DDAH1: variants seen among roughly 807,000 people sequenced by gnomAD.
DDAH1 encodes N(G),N(G)-dimethylarginine dimethylaminohydrolase 1.
In DDAH1, 19 loss-of-function variants were observed where a neutral mutation model predicts 28.8. The ratio of observed to expected loss-of-function variants is 0.66; its 90% CI spans 0.46 to 0.97. The LOEUF is 0.97. Among genes scored for constraint, DDAH1 ranks in the 50% least tolerant of loss-of-function variants. DDAH1 has a pLI of 0.00. For missense variants in DDAH1, 326 were observed against 375.9 expected, an observed-to-expected ratio of 0.87 and a Z score of 1.10; for synonymous variants, 153 against 154.4, an observed-to-expected ratio of 0.99 and a Z score of 0.07.
At chr1:85,353,761 A>C (rs968984182) in intron 2 of DDAH1, among the ~76,000 whole-genome samples, 2 of 151,720 alleles carry the variant, frequency 1.3e-5, no homozygotes, top group African/African-American at 4.8e-5. Flanking sequence ...ACTCTGAGGC[A>C]AAAAAAATAC....
intron 1 of DDAH1, among the ~76,000 whole-genome samples, chr1:85,519,001 A>C (rs1440042121): frequency 6.6e-6 from 1 of 152,046 alleles, no homozygotes; most frequent in Non-Finnish European, 1.5e-5. Context: ...GGATATTCAA[A>C]AGTTATAACT....
intron 2 of DDAH1, among the ~76,000 whole-genome samples, chr1:85,487,067 A>G (rs1656230561): frequency 6.6e-6 from 1 of 152,238 alleles, no homozygotes; most frequent in African/African-American, 2.4e-5. Context: ...TTAATTCGCC[A>G]AAGTAGGTTG....
intron 4 of DDAH1, among the ~76,000 whole-genome samples, chr1:85,339,324 C>T (rs1452326565): frequency 6.6e-6 from 1 of 152,108 alleles, no homozygotes; most frequent in Non-Finnish European, 1.5e-5. Flanking sequence ...TAAACTTGGT[C>T]CCACTTCGGG....
intron 1 of DDAH1, among the ~76,000 whole-genome samples, chr1:85,376,390 T>A (rs1245820639): frequency 6.6e-6 from 1 of 152,128 alleles, no homozygotes; most frequent in Non-Finnish European, 1.5e-5. Flanking sequence ...GGAAAACAAA[T>A]AAAGGAAACA....
rs556971926 is a variant in DDAH1, at chr1:85,402,756, A to C, written c.304-43909T>G. 8.5e-5 allele frequency among the ~76,000 whole-genome samples: 13 copies of C among 152,168 alleles called. No individual in the cohort carries two copies. The East Asian group carries it at 2.1e-3, about 25-fold the overall frequency. ...AACCCCGTCTCTACTAAAAATACAA[A>C]AAATTAGCCAGACACGGTGGTGGGC... On this transcript the variant is annotated intron_variant, in intron 1 of 5. Transcript: ENST00000284031.
chr1:85,464,411 A>AAGTTGTG lies in DDAH1; in HGVS notation c.303+331_303+332insCACAACT. On this transcript the variant is annotated intron_variant, in intron 1 of 5. Coordinates refer to ENST00000284031, the MANE Select transcript of DDAH1 (RefSeq NM_012137.4). The surrounding 1 kb of genome is among the most constrained non-coding windows in gnomAD (Gnocchi z 4.4). ...CCCCTCGCGGCCCTCGCTCCCTGGG[A>AAGTTGTG]AACACTCAGAGTTGCACTGTCGTCG... is the stretch of plus-strand genomic sequence containing the variant. 1 of 1,296,750 alleles carries AAGTTGTG rather than the reference A, an allele frequency of 7.7e-7. No homozygotes were observed. Among genetic ancestry groups the AAGTTGTG allele is most frequent in the African/African-American group, 1.5e-5 (1 of 67,436 alleles). 80.3% of individuals were successfully genotyped at this position (1,296,750 alleles called of 1,614,324 possible).
At chr1:85,525,013 ATC>A (rs1657814547) in intron 1 of DDAH1, among the ~76,000 whole-genome samples, 2 of 118,578 alleles carry the variant, frequency 1.7e-5, no homozygotes, top group South Asian at 3.1e-4. Flanking sequence ...ATTAAAGAAT[ATC>A]TGTTTGTGTC....
chr1:85,372,603 T>C (rs1282691027), intron 1 of DDAH1, among the ~76,000 whole-genome samples: 1 of 152,134 alleles, frequency 6.6e-6, no homozygotes, highest in Non-Finnish European at 1.5e-5. Flanking sequence ...AAAAAAGTTA[T>C]TTTTTACTTC....
At chr1:85,509,312 G>T (rs998547728) in intron 1 of DDAH1, among the ~76,000 whole-genome samples, 12 of 152,178 alleles carry the variant, frequency 7.9e-5, no homozygotes, top group Non-Finnish European at 1.8e-4. Flanking sequence ...CAACAAAAAG[G>T]TCATCTACAT....
intron 1 of DDAH1, among the ~76,000 whole-genome samples, chr1:85,364,572 A>C (rs1227309966): frequency 1.3e-5 from 2 of 150,858 alleles, no homozygotes; most frequent in Admixed American, 6.6e-5. Context: ...TTTGAGACAG[A>C]GTTTCACTCT....
chr1:85,318,626 T>A lies in DDAH1; in HGVS notation c.*2826A>T, dbSNP rs1413897179. On this transcript the variant is annotated 3_prime_UTR_variant, in exon 6 of 6. Transcript: ENST00000284031. Reference sequence around the variant, plus strand: ...GATTGGTTTTGGCACACAGAGTGGATAACCATACATTGGCTGGAATGAGGT... The same window carrying A: ...GATTGGTTTTGGCACACAGAGTGGAAAACCATACATTGGCTGGAATGAGGT... 6.6e-6 allele frequency: 1 copy of A among 152,636 alleles called. No individual in the cohort carries two copies. Among genetic ancestry groups the A allele is most frequent in the Non-Finnish European group, 1.5e-5 (1 of 68,046 alleles). 9.5% of individuals were successfully genotyped at this position (152,636 alleles called of 1,614,324 possible).
intron 1 of DDAH1, among the ~76,000 whole-genome samples, chr1:85,496,544 G>A (rs74815480): frequency 0.019 from 2,879 of 152,060 alleles, 81 homozygotes; most frequent in African/African-American, 0.066. Context: ...ACATAGAGTC[G>A]GTATTTTCCT....
At chr1:85,553,043 A>G (rs1213246727) in intron 1 of DDAH1, among the ~76,000 whole-genome samples, 2 of 152,148 alleles carry the variant, frequency 1.3e-5, no homozygotes, top group African/African-American at 2.4e-5. Context: ...GCTGCCATGT[A>G]AGATATCCAA....
intron 2 of DDAH1, among the ~76,000 whole-genome samples, chr1:85,477,265 A>G (rs1471148024): frequency 9.2e-5 from 14 of 152,178 alleles, no homozygotes; most frequent in Admixed American, 9.2e-4. Flanking sequence ...ACCTTGTTTT[A>G]AAGCTGAGGG....
intron 2 of DDAH1, among the ~76,000 whole-genome samples, chr1:85,488,871 T>C (rs1318109261): frequency 6.6e-6 from 1 of 152,224 alleles, no homozygotes; most frequent in Non-Finnish European, 1.5e-5. Context: ...GTTCAGTGTA[T>C]ATTCATTAGC....
At chr1:85,326,487 A>T (rs1647403744) in intron 4 of DDAH1, among the ~76,000 whole-genome samples, 2 of 152,350 alleles carry the variant, frequency 1.3e-5, no homozygotes, top group South Asian at 4.1e-4. Context: ...GAGGTCAAAT[A>T]ACTTGCTTTA....
chr1:85,511,977 G>T lies in DDAH1; in HGVS notation c.-122-15696C>A, dbSNP rs888755112. ...CTATTCCAATCAATAGAAAAAGAGG[G>T]AATCCTCCCTAACTCATTTTACGAG... On this transcript the variant is annotated intron_variant, in intron 1 of 6. Transcript: ENST00000426972. 2.6e-5 allele frequency among the ~76,000 whole-genome samples: 4 copies of T among 152,254 alleles called. No individual in the cohort carries two copies. The South Asian group carries it at 6.2e-4, about 24-fold the overall frequency.
rs199546605 is a variant in DDAH1, at chr1:85,493,750, C to A, written c.-7+2416G>T. ...AGACCTGCTGCCTTTCACAACATTGCTTTTGGAACTCAGCATCTCTCCACT... is the reference window on the plus strand; with the variant it reads ...AGACCTGCTGCCTTTCACAACATTGATTTTGGAACTCAGCATCTCTCCACT... On this transcript the variant is annotated intron_variant, in intron 2 of 6. Transcript: ENST00000426972. 7.9e-5 allele frequency: 12 copies of A among 152,262 alleles called. No homozygotes were observed. In the East Asian group the frequency reaches 2.3e-3, roughly 29 times the overall value. 9.4% of individuals were successfully genotyped at this position (152,262 alleles called of 1,614,324 possible). A position where few individuals can be genotyped will look rare whatever the true frequency, so the allele number is the denominator to read the frequency against.
chr1:85,491,190 G>C (rs1168187934), intron 2 of DDAH1, among the ~76,000 whole-genome samples: 1 of 151,962 alleles, frequency 6.6e-6, no homozygotes, highest in African/African-American at 2.4e-5. Context: ...GGGACTTCAA[G>C]TGTGTGCCAT....
Sources: gnomAD v4.1 joint callset for allele counts (sites outside exome capture counted in the v4.1 genomes callset) on GRCh38, gnomAD v4.1.1 for gene constraint, Gnocchi (gnomAD v3.1) non-coding constraint, MANE v1.5 for transcripts, NCBI Gene and HGNC (gene_info 2026-07-23, HGNC 2026-07-21) for gene names.